The following FBXO34 variants were observed in gnomAD, a reference collection of about 807,000 sequenced individuals.
FBXO34 encodes F-box only protein 34.
Under a neutral mutation model 24.5 loss-of-function variants are expected in FBXO34, and 12 were observed. The ratio of observed to expected loss-of-function variants is 0.49; its 90% CI spans 0.31 to 0.79. FBXO34 has a LOEUF of 0.79. Among genes scored for constraint, FBXO34 ranks in the 30% least tolerant of loss-of-function variants. The probability of loss-of-function intolerance (pLI) is 0.04; values close to 1 mark genes in which losing one functional copy is unlikely to be tolerated. For synonymous variants in FBXO34, 320 were observed against 311.9 expected (o/e 1.03, Z -0.27); for missense variants, 823 against 857.7 (o/e 0.96, Z 0.51).
At chr14:55,386,698 A>G in the FBXO34 span, among the ~76,000 whole-genome samples, 1 of 152,198 alleles carries the variant, frequency 6.6e-6, no homozygotes, top group Non-Finnish European at 1.5e-5. Flanking sequence ...AAGGGAAACA[A>G]AAGCCTGGCC....
At chr14:55,311,737 G>GT (rs965225319) in intron 1 of FBXO34, among the ~76,000 whole-genome samples, 1 of 151,848 alleles carries the variant, frequency 6.6e-6, no homozygotes, top group Non-Finnish European at 1.5e-5. Flanking sequence ...TTTGTTGTTT[G>GT]TTTTTTTGAG....
the FBXO34 span, among the ~76,000 whole-genome samples, chr14:55,427,508 C>T: frequency 3.3e-5 from 5 of 152,166 alleles, no homozygotes; most frequent in African/African-American, 7.2e-5. Context: ...GATAATCATT[C>T]GATGGCCAAG....
At chr14:55,306,238 A>C (rs1882540245) in intron 1 of FBXO34, among the ~76,000 whole-genome samples, 1 of 152,220 alleles carries the variant, frequency 6.6e-6, no homozygotes, top group Non-Finnish European at 1.5e-5. Context: ...GAGTCAGGGA[A>C]ACCATATGAG....
At chr14:55,280,035 T>A (rs1881479216) in intron 1 of FBXO34, among the ~76,000 whole-genome samples, 1 of 152,274 alleles carries the variant, frequency 6.6e-6, no homozygotes, top group Non-Finnish European at 1.5e-5. Flanking sequence ...TGTGGTAGTG[T>A]GTGGATTAGT....
chr14:55,401,594 C>A, the FBXO34 span, among the ~76,000 whole-genome samples: 1 of 152,144 alleles, frequency 6.6e-6, no homozygotes, highest in Admixed American at 6.5e-5. Context: ...AAAAAGTATT[C>A]TCTCAAATGA....
At position 55,352,454 on chromosome 14, in the gene FBXO34, TCC is replaced by T; in HGVS notation, c.2065_2066del (p.Pro689CysfsTer6). 1 of 1,614,122 alleles carries T rather than the reference TCC, an allele frequency of 6.2e-7. No homozygotes were observed. Among genetic ancestry groups the T allele is most frequent in the Non-Finnish European group, 8.5e-7 (1 of 1,179,984 alleles). ...TGGGGCTTCATGACAATCACTGGGTTCCTGCCTGCCACAGCTTTAATCGGGCA... is the reference window on the plus strand; with the variant it reads ...TGGGGCTTCATGACAATCACTGGGTTTGCCTGCCACAGCTTTAATCGGGCA... ...KLGLHDNHWV[P>X]ACHSFNRAIH... On this transcript the variant is annotated frameshift_variant, in exon 2 of 2. Coordinates refer to ENST00000313833, the MANE Select transcript of FBXO34 (RefSeq NM_017943.4). LOFTEE classifies it high-confidence loss of function.
the FBXO34 span, among the ~76,000 whole-genome samples, chr14:55,428,114 C>CTTTTTTTT: frequency 1.1e-5 from 1 of 91,992 alleles, no homozygotes; most frequent in Non-Finnish European, 2.4e-5. Flanking sequence ...TTTCACATGC[C>CTTTTTTTT]TTATCTTTTT....
At chr14:55,328,725 G>A (rs1009240237) in intron 1 of FBXO34, among the ~76,000 whole-genome samples, 8 of 152,164 alleles carry the variant, frequency 5.3e-5, no homozygotes, top group Non-Finnish European at 1.0e-4. Flanking sequence ...AAACACGTAG[G>A]TAATGTTTAG....
At chr14:55,335,886 G>T (rs1246954579) in intron 1 of FBXO34, among the ~76,000 whole-genome samples, 1 of 152,008 alleles carries the variant, frequency 6.6e-6, no homozygotes, top group Non-Finnish European at 1.5e-5. Flanking sequence ...AATATTAATG[G>T]CTACATCACT....
At chr14:55,298,752 C>G in intron 1 of FBXO34, 2 of 1,574,714 alleles carry the variant, frequency 1.3e-6, no homozygotes, top group South Asian at 2.2e-5. Flanking sequence ...ACAGGAGTTC[C>G]TGGAGAAGAA....
intron 3 of FBXO34, among the ~76,000 whole-genome samples, chr14:55,360,805 T>C (rs1188115837): frequency 6.6e-6 from 1 of 151,788 alleles, no homozygotes; most frequent in Non-Finnish European, 1.5e-5. Flanking sequence ...TGAGACCAGC[T>C]TGGCCAACGT....
At chr14:55,438,731 G>C in the FBXO34 span, 1 of 152,164 alleles carries the variant, frequency 6.6e-6, no homozygotes, top group East Asian at 1.9e-4. Flanking sequence ...TGTCTGTGTA[G>C]CACGTTCACT....
chr14:55,277,650 G>A (rs540737602), intron 1 of FBXO34, among the ~76,000 whole-genome samples: 1 of 152,284 alleles, frequency 6.6e-6, no homozygotes, highest in African/African-American at 2.4e-5. Flanking sequence ...CTTAGTCTGG[G>A]TTGTAATTAG....
chr14:55,404,875 CCT>C, the FBXO34 span, among the ~76,000 whole-genome samples: 4 of 152,106 alleles, frequency 2.6e-5, no homozygotes, highest in African/African-American at 7.2e-5. Flanking sequence ...CCACAACACC[CCT>C]GAGACTCAGT....
chr14:55,341,561 G>A (rs1883992505), intron 1 of FBXO34, among the ~76,000 whole-genome samples: 1 of 152,194 alleles, frequency 6.6e-6, no homozygotes, highest in South Asian at 2.1e-4. Context: ...AAATATGCAA[G>A]AGAGTTGTTA....
chr14:55,369,691 A>G (rs776800491), downstream of FBXO34: 3 of 1,602,942 alleles, frequency 1.9e-6, no homozygotes, highest in Non-Finnish European at 2.6e-6. Flanking sequence ...TCCCACCTGC[A>G]CTGCTGCTCG....
the FBXO34 span, among the ~76,000 whole-genome samples, chr14:55,442,922 G>A: frequency 6.6e-6 from 1 of 152,206 alleles, no homozygotes; most frequent in Non-Finnish European, 1.5e-5. Flanking sequence ...AGGTGAGGAT[G>A]CAGTGAGAAG....
At chr14:55,338,878 C>T (rs1420469134) in intron 1 of FBXO34, among the ~76,000 whole-genome samples, 3 of 151,350 alleles carry the variant, frequency 2.0e-5, no homozygotes, top group Non-Finnish European at 4.4e-5. Flanking sequence ...TGCACTCCAG[C>T]CTGGGCGACA....
the FBXO34 span, among the ~76,000 whole-genome samples, chr14:55,437,626 G>C: frequency 9.8e-5 from 15 of 152,342 alleles, no homozygotes; most frequent in Non-Finnish European, 1.3e-4. Context: ...TTTTGCAATA[G>C]AGGCAATTGA....
Sources: allele counts gnomAD v4.1 joint callset (sites outside exome capture counted in the v4.1 genomes callset), GRCh38; gene constraint gnomAD v4.1.1; transcripts MANE v1.5; gene names NCBI Gene and HGNC (gene_info 2026-07-23, HGNC 2026-07-21).